The following WNK1 variants were observed in gnomAD, a reference collection of about 807,000 sequenced individuals.
WNK1 encodes the protein WNK lysine deficient protein kinase 1.
Under a neutral mutation model 222.8 loss-of-function variants are expected in WNK1, and 38 were observed. The observed-to-expected ratio is 0.17, with a 90% CI of 0.13 to 0.22. The LOEUF (loss-of-function observed/expected upper bound fraction) is 0.22. Ranked by LOEUF, WNK1 falls within the 10% of genes least tolerant of loss-of-function variation. The pLI is 1.00. For missense variants in WNK1, 2,348 were observed against 2,918.4 expected (o/e 0.80, Z 4.50); for synonymous variants, 1,090 against 1,092.9 (o/e 1.00, Z 0.05).
At chr12:818,494 A>G (rs1211610137) in intron 2 of WNK1, among the ~76,000 whole-genome samples, 1 of 145,356 alleles carries the variant, frequency 6.9e-6, no homozygotes, top group African/African-American at 2.9e-5. Flanking sequence ...TTTTTATTGT[A>G]AAAAACATAA....
rs760953797 is a variant in WNK1 at position 878,379 on chromosome 12, T to TC, written c.2373+18_2373+19insC. 77 of 1,612,046 alleles carry TC rather than the reference T, an allele frequency of 4.8e-5. No individual in the cohort carries two copies. The highest frequency in any genetic ancestry group is 1.6e-4 in the Middle Eastern group (1 of 6,082). On this transcript the variant is annotated intron_variant, in intron 10 of 27. Coordinates refer to ENST00000315939, the MANE Select transcript of WNK1 (RefSeq NM_018979.4). ...GAAAACAGGTAAACTTTTTTTTTTT[T>TC]TTTAAACAGGTAAACTCTTAATTTC...
intron 10 of WNK1, 115 bp from the exon 11 acceptor site, chr12:879,456 TTG>T (rs869258433): frequency 0.043 from 24,979 of 580,782 alleles, 249 homozygotes; most frequent in East Asian, 0.065. Flanking sequence ...GTTTTTTTTT[TTG>T]TTTGTTTTTT....
intron 3 of WNK1, among the ~76,000 whole-genome samples, chr12:828,596 T>C (rs576253292): frequency 6.6e-6 from 1 of 152,274 alleles, no homozygotes; most frequent in East Asian, 1.9e-4. Flanking sequence ...CTAGTTGTTA[T>C]AACCAAAAGT....
chr12:892,853 G>A (rs2051852), intron 22 of WNK1, among the ~76,000 whole-genome samples: 46,218 of 152,048 alleles, frequency 0.3, 7,668 homozygotes, highest in African/African-American at 0.44. Flanking sequence ...GGGGGGATCA[G>A]TTTATAATAG....
chr12:799,146 C>T (rs1945629480), intron 1 of WNK1, among the ~76,000 whole-genome samples: 1 of 152,074 alleles, frequency 6.6e-6, no homozygotes, highest in African/African-American at 2.4e-5. Flanking sequence ...TTTTTTGAGA[C>T]AGAGTCTTGC....
At position 880,631 on chromosome 12, in the gene WNK1, CTTCT is replaced by C. The variant is rs1382507592; in HGVS notation, c.2833-87_2833-84del. ...GGCTACTATTCTTCTTTGCTGTGTGCTTCTTTTTTTTTTTTTTGCATGTCTTGCT... is the reference window on the plus strand; with the variant it reads ...GGCTACTATTCTTCTTTGCTGTGTGCTTTTTTTTTTTTTGCATGTCTTGCT... On this transcript the variant is annotated intron_variant, in intron 11 of 27. Coordinates refer to ENST00000315939, the MANE Select transcript of WNK1 (RefSeq NM_018979.4). 19 of 1,258,386 alleles carry C rather than the reference CTTCT, an allele frequency of 1.5e-5. No homozygotes were observed. The East Asian group carries it at 1.7e-4, about 11-fold the overall frequency. The allele number at this position is 1,258,386 out of a possible 1,614,324, so 78.0% of individuals were successfully genotyped here.
intron 2 of WNK1, among the ~76,000 whole-genome samples, chr12:819,172 T>C (rs185283802): frequency 6.6e-4 from 101 of 152,340 alleles, no homozygotes; most frequent in African/African-American, 2.4e-3. Context: ...TCAAGTTCTT[T>C]GCTCATTTTT....
Position 908,795 on chromosome 12 carries a change from C to T in WNK1, c.*3C>T. On this transcript the variant is annotated 3_prime_UTR_variant, in exon 28 of 28. Transcript: ENST00000315939. ...GCTCCAACCTGCGGACCACTTAGAC[C>T]TAGAGACATTAACTGAATAGATCTG... 2 of 1,400,764 alleles carry T rather than the reference C, an allele frequency of 1.4e-6. No homozygotes were observed. The highest frequency in any genetic ancestry group is 1.9e-6 in the Non-Finnish European group (2 of 1,050,642). The allele number at this position is 1,400,764 out of a possible 1,614,324, so 86.8% of individuals were successfully genotyped here.
At chr12:756,095 C>T (rs1204686013) in intron 1 of WNK1, among the ~76,000 whole-genome samples, 2 of 152,210 alleles carry the variant, frequency 1.3e-5, no homozygotes, top group African/African-American at 4.8e-5. Flanking sequence ...GATACTGATG[C>T]TGGAATTTTA....
At chr12:832,680 T>C (rs1948888374) in intron 4 of WNK1, among the ~76,000 whole-genome samples, 1 of 152,228 alleles carries the variant, frequency 6.6e-6, no homozygotes, top group Non-Finnish European at 1.5e-5. Context: ...GGATGGTATT[T>C]TGTCAGTTAT....
rs61736908 is a variant in WNK1 at position 890,485 on chromosome 12, A to G, written c.5481A>G (p.Thr1827=). Residue 1827 remains threonine, a synonymous_variant, in exon 22 of 28, where the codon ACA becomes ACG. Transcript: ENST00000315939. Reference sequence around the variant, plus strand: ...CCATGGCGGCTCCAACAGCAATCACAGAAGCAGGAACACAGCCTCAGAAGG... The same window carrying G: ...CCATGGCGGCTCCAACAGCAATCACGGAAGCAGGAACACAGCCTCAGAAGG... ...PVSMAAPTAI[T]EAGTQPQKGV... The G allele has an allele frequency of 1.1e-3, 1,853 of 1,614,166 alleles. 28 individuals are homozygous for G. The African/African-American group carries it at 0.023, about 20-fold the overall frequency.
rs537623182 is a variant in WNK1 at position 764,856 on chromosome 12, A to G, written c.759+10532A>G. ...ATCTAATACAATATCCACCAGCCTC[A>G]CGTGGCTATTTCGCTCTTGCCACCC... On this transcript the variant is annotated intron_variant, in intron 1 of 27. Transcript: ENST00000315939. 3.8e-4 allele frequency among the ~76,000 whole-genome samples: 56 copies of G among 147,528 alleles called. 6 individuals carry two copies. In the South Asian group the frequency reaches 0.011, roughly 30 times the overall value.
At chr12:856,144 A>G (rs1363651504) in intron 4 of WNK1, among the ~76,000 whole-genome samples, 1 of 150,724 alleles carries the variant, frequency 6.6e-6, no homozygotes, top group African/African-American at 2.4e-5. Flanking sequence ...CAACCTGAAA[A>G]TTTATTTTTA....
chr12:882,811 T>C, intron 14 of WNK1, 132 bp from the exon 15 acceptor site: 1 of 690,968 alleles, frequency 1.4e-6, no homozygotes. Context: ...AAAGTACTAG[T>C]GCTCCAAGGA....
At position 890,477 on chromosome 12, in the gene WNK1, G is replaced by A; in HGVS notation, c.5473G>A (p.Ala1825Thr). 6.2e-7 allele frequency: 1 copy of A among 1,614,108 alleles called. No homozygotes were observed. The change falls in exon 22 of 28, where the codon GCA becomes ACA. Residue 1825 changes from alanine (A) to threonine (T), a missense_variant. Ala to Thr is a moderately conservative substitution (Grantham distance 58). This residue lies in a region of WNK1 where 1,144 missense variants were observed against 1,273.6 expected (regional missense o/e 0.90). Coordinates refer to ENST00000315939, the MANE Select transcript of WNK1 (RefSeq NM_018979.4). ...VGPVSMAAPT[A>T]ITEAGTQPQK... is the part of the protein sequence containing the mutation. ...GCCTGTGTCCATGGCGGCTCCAACA[G>A]CAATCACAGAAGCAGGAACACAGCC...
rs1478989689 is a variant in WNK1 at position 868,391 on chromosome 12, C to G, written c.2140-2874C>G. The G allele has an allele frequency of 8.7e-6, 14 of 1,613,974 alleles. No individual in the cohort carries two copies. Among genetic ancestry groups the G allele is most frequent in the Non-Finnish European group, 1.1e-5 (13 of 1,179,874 alleles). ...ACAGATACCTGAACAGAAGCCAGTACAAGGGGGCCCTACTTCAAGTTCTGT... is the reference window on the plus strand; with the variant it reads ...ACAGATACCTGAACAGAAGCCAGTAGAAGGGGGCCCTACTTCAAGTTCTGT... On this transcript the variant is annotated intron_variant, in intron 8 of 27. Coordinates refer to ENST00000315939, the MANE Select transcript of WNK1 (RefSeq NM_018979.4).
chr12:811,556 A>G (rs1340280854), intron 1 of WNK1, among the ~76,000 whole-genome samples: 1 of 152,284 alleles, frequency 6.6e-6, no homozygotes, highest in African/African-American at 2.4e-5. Flanking sequence ...AGTAAATGGC[A>G]AATACTTGGC....
Position 753,963 on chromosome 12 carries a change from T to A in WNK1, c.398T>A (p.Val133Glu). 1 of 1,601,190 alleles carries A rather than the reference T, an allele frequency of 6.2e-7. No homozygotes were observed. Among genetic ancestry groups the A allele is most frequent in the Non-Finnish European group, 8.5e-7 (1 of 1,174,940 alleles). The change falls in exon 1 of 28, where the codon GTA becomes GAA. Residue 133 changes from valine (V) to glutamate (E), a missense_variant. Physicochemically the swap from Val to Glu is moderately radical, Grantham distance 121. Transcript: ENST00000315939. The surrounding 1 kb of genome is among the most constrained non-coding windows in gnomAD (Gnocchi z 5.2). ...ETVTATATSQ[V>E]AQQPPAAAAP... Reference sequence around the variant, plus strand: ...GTGACCGCCACCGCCACTTCCCAGGTAGCCCAGCAGCCTCCAGCCGCTGCC... The same window carrying A: ...GTGACCGCCACCGCCACTTCCCAGGAAGCCCAGCAGCCTCCAGCCGCTGCC...
chr12:865,322 C>T, intron 8 of WNK1: 1 of 1,536,164 alleles, frequency 6.5e-7, no homozygotes, highest in Non-Finnish European at 8.7e-7. Flanking sequence ...CCTCTCAGCG[C>T]AAGCACCGAC....
Sources: gnomAD v4.1 joint callset for allele counts (sites outside exome capture counted in the v4.1 genomes callset) on GRCh38, gnomAD v4.1.1 for gene constraint, gnomAD v4.1.1 regional missense constraint, Gnocchi (gnomAD v3.1) non-coding constraint, MANE v1.5 for transcripts, NCBI Gene and HGNC (gene_info 2026-07-23, HGNC 2026-07-21) for gene names.